The following LRRK2 variants were observed in gnomAD, a reference collection of about 807,000 sequenced individuals.
LRRK2 encodes leucine-rich repeat serine/threonine-protein kinase 2.
LRRK2 carries 203 observed loss-of-function variants against 302.6 expected under a neutral mutation model. The observed-to-expected ratio is 0.67, with a 90% CI of 0.60 to 0.75. The LOEUF is 0.75. Ranked by LOEUF, LRRK2 falls within the 30% of genes least tolerant of loss-of-function variation. The probability of loss-of-function intolerance (pLI) is 0.00; values close to 1 mark genes in which losing one functional copy is unlikely to be tolerated. For missense variants in LRRK2, 2,830 were observed against 2,951.0 expected (o/e 0.96, Z 0.95); for synonymous variants, 1,066 against 1,031.9 (o/e 1.03, Z -0.63).
intron 25 of LRRK2, chr12:40,301,179 A>T (rs1944611182): frequency 2.2e-6 from 1 of 452,314 alleles, no homozygotes; most frequent in East Asian, 6.9e-5. Flanking sequence ...ATTTGAGAAG[A>T]TGCCCCATGG....
At chr12:40,276,546 T>C (rs1460420214) in intron 16 of LRRK2, among the ~76,000 whole-genome samples, 1 of 152,204 alleles carries the variant, frequency 6.6e-6, no homozygotes, top group East Asian at 1.9e-4. Context: ...TTCACTCACC[T>C]CGGACTCCCA....
intron 39 of LRRK2, among the ~76,000 whole-genome samples, chr12:40,333,256 C>T (rs1316855847): frequency 1.3e-5 from 2 of 152,096 alleles, no homozygotes; most frequent in East Asian, 3.9e-4. Flanking sequence ...AAGCTTTGTT[C>T]TTGGAAAATC....
rs202109311 is a variant in LRRK2, at chr12:40,310,631, C to T, written c.4518C>T (p.Asn1506=). ...ALAKLRKTII[N]ESLNFKIRDQ... is the part of the protein sequence containing the mutation. Reference sequence around the variant, plus strand: ...CAAAACTTCGGAAAACCATCATAAACGAGAGCCTTAATTTCAAGGTAACAT... The same window carrying T: ...CAAAACTTCGGAAAACCATCATAAATGAGAGCCTTAATTTCAAGGTAACAT... The change falls in exon 31 of 51, where the codon AAC becomes AAT. Residue 1506 remains asparagine (N), a synonymous_variant. Transcript: ENST00000298910. The T allele has an allele frequency of 1.1e-5, 17 of 1,612,462 alleles. No individual in the cohort carries two copies. Among genetic ancestry groups the T allele is most frequent in the African/African-American group, 4.0e-5 (3 of 74,456 alleles).
chr12:40,335,213 C>T, intron 40 of LRRK2, 56 bp downstream of exon 40: 1 of 1,559,488 alleles, frequency 6.4e-7, no homozygotes, highest in Non-Finnish European at 8.8e-7. Flanking sequence ...TCCAGACTTG[C>T]TCTCAGGTTC....
At chr12:40,360,086 T>A (rs1418342849) in intron 47 of LRRK2, among the ~76,000 whole-genome samples, 1 of 152,150 alleles carries the variant, frequency 6.6e-6, no homozygotes, top group Non-Finnish European at 1.5e-5. Context: ...AGAGCATAAA[T>A]CATAGTTCAG....
In LRRK2 at chr12:40,243,533, G is replaced by A; in HGVS notation, c.707-17G>A. ...ACATGGTTACCTTATTGATAATTAT[G>A]ATCTCTTTAAATTCAGGCAATAATG... is the stretch of plus-strand genomic sequence containing the variant. On this transcript the variant is annotated splice_polypyrimidine_tract_variant and intron_variant, in intron 6 of 50. Coordinates refer to ENST00000298910, the MANE Select transcript of LRRK2 (RefSeq NM_198578.4). 1 of 1,609,490 alleles carries A rather than the reference G, an allele frequency of 6.2e-7. No homozygotes were observed. Among genetic ancestry groups the A allele is most frequent in the Non-Finnish European group, 8.5e-7 (1 of 1,176,934 alleles).
At chr12:40,242,818 G>T (rs868476079) in intron 6 of LRRK2, among the ~76,000 whole-genome samples, 1 of 6,256 alleles carries the variant, frequency 1.6e-4, no homozygotes, top group Non-Finnish European at 4.8e-4. Context: ...AAAAAAAAAA[G>T]GTAAGCAATA....
At chr12:40,263,324 A>C (rs2136538943) in intron 13 of LRRK2, among the ~76,000 whole-genome samples, 1 of 152,228 alleles carries the variant, frequency 6.6e-6, no homozygotes, top group African/African-American at 2.4e-5. Context: ...GTTCTCTACC[A>C]CCTTAATACT....
At chr12:40,366,946 T>C (rs1946896399) in intron 49 of LRRK2, 60 bp from the exon 50 acceptor site, 1 of 1,322,620 alleles carries the variant, frequency 7.6e-7, no homozygotes, top group African/African-American at 1.5e-5. Context: ...TTTACTTTTT[T>C]TTCAGGCCAG....
chr12:40,238,206 T>G lies in LRRK2; in HGVS notation c.571+103T>G, dbSNP rs771143793. ...AATAAGAAGAAGGTTTCTAAAATCC[T>G]ACTATTTATTAAGAAGTGGGAGTTG... On this transcript the variant is annotated intron_variant, in intron 5 of 50. Transcript: ENST00000298910. The G allele has an allele frequency of 4.2e-6, 5 of 1,182,008 alleles. No individual in the cohort carries two copies. The Admixed American group carries it at 1.2e-4, about 28-fold the overall frequency. 73.2% of individuals were successfully genotyped at this position (1,182,008 alleles called of 1,614,324 possible). A position where few individuals can be genotyped will look rare whatever the true frequency, so the allele number is the denominator to read the frequency against.
At chr12:40,300,986 T>C (rs574666792) in intron 25 of LRRK2, 1 of 469,642 alleles carries the variant, frequency 2.1e-6, no homozygotes, top group East Asian at 6.9e-5. Context: ...ATGATCCTAA[T>C]GGTCATACCT....
At chr12:40,348,348 G>A (rs1946257366) in intron 42 of LRRK2, 61 bp from the exon 43 acceptor site, 1 of 1,140,942 alleles carries the variant, frequency 8.8e-7, no homozygotes, top group South Asian at 1.3e-5. Flanking sequence ...TAAACATTGA[G>A]AGGAAATATA....
chr12:40,359,786 A>G (rs1264554273), intron 47 of LRRK2, among the ~76,000 whole-genome samples: 7 of 152,122 alleles, frequency 4.6e-5, no homozygotes, highest in Non-Finnish European at 1.0e-4. Flanking sequence ...TATTTCACCA[A>G]ATTCACGGAC....
chr12:40,295,669 T>A, intron 23 of LRRK2, 25 bp downstream of exon 23: 5 of 1,595,520 alleles, frequency 3.1e-6, no homozygotes, highest in Non-Finnish European at 4.3e-6. Flanking sequence ...TCCTTGTAAC[T>A]TTCAAGACAT....
At chr12:40,340,744 G>A (rs540538150) in intron 41 of LRRK2, among the ~76,000 whole-genome samples, 1 of 152,272 alleles carries the variant, frequency 6.6e-6, no homozygotes, top group African/African-American at 2.4e-5. Context: ...TACTCTAGAG[G>A]TCATAAAAAG....
intron 13 of LRRK2, among the ~76,000 whole-genome samples, chr12:40,263,148 A>G (rs959988118): frequency 2.0e-5 from 3 of 152,216 alleles, no homozygotes; most frequent in African/African-American, 4.8e-5. Flanking sequence ...TAGGTTTGGA[A>G]AACATTATTC....
chr12:40,231,658 T>G (rs1460478722), intron 2 of LRRK2, among the ~76,000 whole-genome samples: 6 of 148,506 alleles, frequency 4.0e-5, no homozygotes, highest in African/African-American at 1.5e-4. Context: ...TGGTACAACC[T>G]CTAAAACTAT....
At chr12:40,350,532 T>G (rs1401774232) in intron 43 of LRRK2, among the ~76,000 whole-genome samples, 1 of 152,242 alleles carries the variant, frequency 6.6e-6, no homozygotes, top group Non-Finnish European at 1.5e-5. Context: ...CTTGTCATGT[T>G]TTACACTGAT....
At position 40,354,337 on chromosome 12, in the gene LRRK2, G is replaced by A; in HGVS notation, c.6615G>A (p.Val2205=). The A allele has an allele frequency of 3.1e-6, 5 of 1,614,094 alleles. No homozygotes were observed. Among genetic ancestry groups the A allele is most frequent in the Non-Finnish European group, 4.2e-6 (5 of 1,179,986 alleles). ...GTAGAATATTGTGCTTAGCCTTGGT[G>A]CATCTTCCTGTTGAAAAGGAAAGCT... is the stretch of plus-strand genomic sequence containing the variant. The part of the protein sequence containing the change: ...ADSRILCLAL[V]HLPVEKESWI... The change falls in exon 45 of 51, where the codon GTG becomes GTA. Residue 2205 remains valine (V), a synonymous_variant. Coordinates refer to ENST00000298910, the MANE Select transcript of LRRK2 (RefSeq NM_198578.4).
Sources: allele counts gnomAD v4.1 joint callset (sites outside exome capture counted in the v4.1 genomes callset), GRCh38; gene constraint gnomAD v4.1.1; transcripts MANE v1.5; gene names NCBI Gene and HGNC (gene_info 2026-07-23, HGNC 2026-07-21).